Variants in ATP13A5 observed in about 807,000 individuals in gnomAD.
The protein encoded by ATP13A5 is ATPase 13A5, also known as probable cation-transporting ATPase 13A5.
Under a neutral mutation model 150.2 loss-of-function variants are expected in ATP13A5, and 149 were observed. The ratio of observed to expected loss-of-function variants is 0.99; its 90% CI spans 0.87 to 1.14. ATP13A5 has a LOEUF of 1.14. Ranked by LOEUF, ATP13A5 falls within the 50% of genes most tolerant of loss-of-function variation. ATP13A5 has a pLI of 0.00. For missense variants in ATP13A5, 1,383 were observed against 1,449.3 expected, an observed-to-expected ratio of 0.95 and a Z score of 0.74; for synonymous variants, 497 against 522.2, an observed-to-expected ratio of 0.95 and a Z score of 0.66.
intron 28 of ATP13A5, chr3:193,277,543 A>G (rs1386717853): frequency 6.6e-6 from 1 of 152,026 alleles, no homozygotes; most frequent in Non-Finnish European, 1.5e-5. Context: ...AAACTCACTG[A>G]CCCTCCGTAG....
rs1719422502 is a variant in ATP13A5 at position 193,325,031 on chromosome 3, T to C, written c.1524-17A>G. 1 of 1,603,032 alleles carries C rather than the reference T, an allele frequency of 6.2e-7. No homozygotes were observed. Among genetic ancestry groups the C allele is most frequent in the Non-Finnish European group, 8.5e-7 (1 of 1,174,700 alleles). On this transcript the variant is annotated splice_polypyrimidine_tract_variant and intron_variant, in intron 13 of 29. Coordinates refer to ENST00000342358, the MANE Select transcript of ATP13A5 (RefSeq NM_198505.4). The stretch of plus-strand genomic sequence containing the variant: ...TCCTGGAAGCTGGTAGAGAAGGTAA[T>C]GTTAAAGTCTTTGATAAAATCATTT...
At chr3:193,329,991 G>A (rs564583429) in intron 12 of ATP13A5, among the ~76,000 whole-genome samples, 4 of 152,226 alleles carry the variant, frequency 2.6e-5, no homozygotes, top group South Asian at 2.1e-4. Context: ...ACTCCTTAGC[G>A]TGGCATATGA....
intron 1 of ATP13A5, 24 bp from the exon 2 acceptor site, chr3:193,364,304 G>A (rs372369199): frequency 3.3e-5 from 52 of 1,598,036 alleles, no homozygotes; most frequent in South Asian, 5.7e-5. Context: ...TTAAAAGATC[G>A]CTCTATTTTT....
At chr3:193,277,501 A>G (rs1717275331) in intron 28 of ATP13A5, 1 of 152,294 alleles carries the variant, frequency 6.6e-6, no homozygotes, top group Admixed American at 6.5e-5. Context: ...TTTATGGCTG[A>G]CTGCGTGTGG....
Position 193,292,687 on chromosome 3 carries a change from T to C in ATP13A5, c.2849-2628A>G, listed in dbSNP as rs530540226. On this transcript the variant is annotated intron_variant, in intron 25 of 29. Coordinates refer to ENST00000342358, the MANE Select transcript of ATP13A5 (RefSeq NM_198505.4). ...ATTAACCAAGATCAACTGATCTACATACTAGAGCGGACTGGCTCAGCTGAG... is the reference window on the plus strand; with the variant it reads ...ATTAACCAAGATCAACTGATCTACACACTAGAGCGGACTGGCTCAGCTGAG... Among the ~76,000 whole-genome samples, 4 of 152,112 alleles carry C rather than the reference T, an allele frequency of 2.6e-5. No homozygotes were observed. The East Asian group carries it at 7.7e-4, about 29-fold the overall frequency.
chr3:193,287,324 G>A (rs1717762169), intron 26 of ATP13A5, among the ~76,000 whole-genome samples: 1 of 152,122 alleles, frequency 6.6e-6, no homozygotes, highest in Non-Finnish European at 1.5e-5. Flanking sequence ...TGTCTTCTAG[G>A]ACTTTAATAA....
chr3:193,361,467 C>G (rs1169635836), intron 5 of ATP13A5, among the ~76,000 whole-genome samples: 1 of 152,104 alleles, frequency 6.6e-6, no homozygotes, highest in African/African-American at 2.4e-5. Flanking sequence ...GAGGGTGGAG[C>G]TTAAAACCTA....
intron 19 of ATP13A5, 85 bp downstream of exon 19, chr3:193,313,948 C>T (rs1718945934): frequency 7.6e-6 from 11 of 1,442,100 alleles, no homozygotes; most frequent in Non-Finnish European, 1.0e-5. Flanking sequence ...TGAGATGACT[C>T]CTGGAGTTGA....
chr3:193,354,940 C>CTTTTTTTTTTTTTT lies in ATP13A5; in HGVS notation c.537-745_537-744insAAAAAAAAAAAAAA, dbSNP rs545467259. Reference sequence around the variant, plus strand: ...TCTAGTATGAATCACAACAATGTAACTTTTTTTTTGAGATGGAGTTTCACT... The same window carrying CTTTTTTTTTTTTTT: ...TCTAGTATGAATCACAACAATGTAACTTTTTTTTTTTTTTTTTTTTTTTGAGATGGAGTTTCACT... On this transcript the variant is annotated intron_variant, in intron 5 of 29. Coordinates refer to ENST00000342358, the MANE Select transcript of ATP13A5 (RefSeq NM_198505.4). 8.8e-3 allele frequency among the ~76,000 whole-genome samples: 1,126 copies of CTTTTTTTTTTTTTT among 127,644 alleles called. 40 individuals are homozygous for CTTTTTTTTTTTTTT. The highest frequency in any genetic ancestry group is 0.018 in the African/African-American group (609 of 33,476). 83.7% of individuals were successfully genotyped at this position (127,644 alleles called of 152,430 possible).
At chr3:193,369,881 A>T (rs1312186561) in intron 1 of ATP13A5, among the ~76,000 whole-genome samples, 2 of 152,202 alleles carry the variant, frequency 1.3e-5, no homozygotes. Context: ...TGTTGAGAGA[A>T]AAAGCAGCTC....
intron 1 of ATP13A5, among the ~76,000 whole-genome samples, chr3:193,374,378 C>T (rs1295036086): frequency 6.6e-6 from 1 of 150,934 alleles, no homozygotes; most frequent in African/African-American, 2.4e-5. Flanking sequence ...TGAGGTGGCT[C>T]ATGCCTATAA....
intron 26 of ATP13A5, among the ~76,000 whole-genome samples, chr3:193,285,768 A>T (rs1353256603): frequency 1.3e-5 from 2 of 152,172 alleles, no homozygotes; most frequent in African/African-American, 4.8e-5. Context: ...ATTGCCTTTA[A>T]CTGCGATATA....
intron 17 of ATP13A5, among the ~76,000 whole-genome samples, chr3:193,316,807 T>C (rs1719068787): frequency 6.6e-6 from 1 of 152,180 alleles, no homozygotes; most frequent in South Asian, 2.1e-4. Flanking sequence ...GTGCAAAACT[T>C]TTCAGTTTAA....
chr3:193,358,927 C>T lies in ATP13A5; in HGVS notation c.536+3454G>A, dbSNP rs2108897675. ...CCTGGTCCCTCTGTAGGGCTTTGCT[C>T]TAAATAAGGCAGTAGAGTTAAGTGG... On this transcript the variant is annotated intron_variant, in intron 5 of 29. Coordinates refer to ENST00000342358, the MANE Select transcript of ATP13A5 (RefSeq NM_198505.4). Among the ~76,000 whole-genome samples, 4 of 152,134 alleles carry T rather than the reference C, an allele frequency of 2.6e-5. No individual in the cohort carries two copies. In the Middle Eastern group the frequency reaches 0.014, roughly 517 times the overall value.
chr3:193,356,651 C>T (rs186525135), intron 5 of ATP13A5, among the ~76,000 whole-genome samples: 2 of 152,258 alleles, frequency 1.3e-5, no homozygotes, highest in African/African-American at 4.8e-5. Context: ...TGGCAGCTAT[C>T]TTTGAAGTCT....
chr3:193,284,967 A>G lies in ATP13A5; in HGVS notation c.3173T>C (p.Val1058Ala). 3.1e-6 allele frequency: 5 copies of G among 1,614,070 alleles called. No homozygotes were observed. Among genetic ancestry groups the G allele is most frequent in the Non-Finnish European group, 4.2e-6 (5 of 1,179,942 alleles). The change falls in exon 27 of 30, where the codon GTA (valine) becomes GCA (alanine). Residue 1058 changes from valine (V) to alanine (A), a missense_variant. Coordinates refer to ENST00000342358, the MANE Select transcript of ATP13A5 (RefSeq NM_198505.4). Reference protein sequence around the residue: ...WPITTINYITVAFIFSKGKPF... With the variant: ...WPITTINYITAAFIFSKGKPF... ...CTTTCCCTTAGAAAAGATGAATGCTACTGTGATATAGTTGATGGTGGTGAT... is the reference window on the plus strand; with the variant it reads ...CTTTCCCTTAGAAAAGATGAATGCTGCTGTGATATAGTTGATGGTGGTGAT...
At chr3:193,324,603 A>AGAAATCAGG (rs1380069524) in intron 14 of ATP13A5, among the ~76,000 whole-genome samples, 2 of 152,244 alleles carry the variant, frequency 1.3e-5, no homozygotes, top group African/African-American at 4.8e-5. Flanking sequence ...AGTATATTAA[A>AGAAATCAGG]GAAATCAGGC....
intron 12 of ATP13A5, among the ~76,000 whole-genome samples, chr3:193,330,875 C>G (rs966746599): frequency 1.3e-5 from 2 of 152,152 alleles, no homozygotes; most frequent in African/African-American, 2.4e-5. Context: ...AACCACAAAC[C>G]AGGCACACAA....
intron 9 of ATP13A5, among the ~76,000 whole-genome samples, chr3:193,335,571 G>T (rs376519821): frequency 6.6e-6 from 1 of 152,174 alleles, no homozygotes; most frequent in Admixed American, 6.6e-5. Context: ...CTAGGAATAT[G>T]ATGAACAAGA....
Sources: allele counts gnomAD v4.1 joint callset (sites outside exome capture counted in the v4.1 genomes callset), GRCh38; gene constraint gnomAD v4.1.1; transcripts MANE v1.5; gene names NCBI Gene and HGNC (gene_info 2026-07-23, HGNC 2026-07-21).